TMEM238L: variants seen among roughly 807,000 people sequenced by gnomAD.
The protein encoded by TMEM238L is transmembrane protein 238-like.
intron 1 of TMEM238L, among the ~76,000 whole-genome samples, chr17:10,798,964 C>T (rs144539842): frequency 1.2e-4 from 18 of 152,148 alleles, no homozygotes; most frequent in East Asian, 5.8e-4. Context: ...TAAAATCAAA[C>T]GGCAGCTTGT....
chr17:10,798,727 G>T (rs150993018), intron 1 of TMEM238L, among the ~76,000 whole-genome samples: 1 of 151,802 alleles, frequency 6.6e-6, no homozygotes, highest in South Asian at 2.1e-4. Flanking sequence ...TGTGGGGGGC[G>T]TGTTTGTGTG....
At chr17:10,800,924 G>A (rs968494623) in intron 1 of TMEM238L, among the ~76,000 whole-genome samples, 3 of 152,188 alleles carry the variant, frequency 2.0e-5, no homozygotes, top group Non-Finnish European at 4.4e-5. Flanking sequence ...TCCCCAAATG[G>A]GTTTCAGCCG....
At chr17:10,797,381 TTCCC>T (rs1332732073) in intron 1 of TMEM238L, among the ~76,000 whole-genome samples, 155 of 85,870 alleles carry the variant, frequency 1.8e-3, no homozygotes, top group African/African-American at 6.5e-3. Flanking sequence ...CCCTCCCTCC[TTCCC>T]TCCCTCCCTC....
intron 1 of TMEM238L, among the ~76,000 whole-genome samples, chr17:10,802,908 A>G (rs1370805128): frequency 2.0e-5 from 3 of 152,194 alleles, no homozygotes; most frequent in African/African-American, 7.2e-5. Context: ...AACTCAGCGG[A>G]TGAAATCCAT....
intron 1 of TMEM238L, among the ~76,000 whole-genome samples, chr17:10,797,597 G>T (rs1904602974): frequency 6.6e-6 from 1 of 152,044 alleles, no homozygotes; most frequent in African/African-American, 2.4e-5. Context: ...ATCAAACTCT[G>T]CATGTTCAAA....
chr17:10,798,101 G>T (rs553471538), intron 1 of TMEM238L, among the ~76,000 whole-genome samples: 71 of 151,878 alleles, frequency 4.7e-4, no homozygotes, highest in African/African-American at 1.6e-3. Flanking sequence ...TGCCTGGACT[G>T]CCCCCTACCC....
chr17:10,795,082 A>G (rs11871765), exon 2 of TMEM238L: 43,556 of 152,210 alleles, frequency 0.29, 6,393 homozygotes, highest in Middle Eastern at 0.39. Context: ...GTCGGGCTCC[A>G]GTGGGTGGCA....
intron 1 of TMEM238L, among the ~76,000 whole-genome samples, chr17:10,799,235 C>T (rs1028367605): frequency 2.6e-5 from 4 of 152,174 alleles, no homozygotes; most frequent in Admixed American, 2.0e-4. Flanking sequence ...TCTTGCTCTG[C>T]CGCCCAGGCT....
chr17:10,803,260 C>T (rs1904800651), intron 1 of TMEM238L, among the ~76,000 whole-genome samples: 1 of 152,176 alleles, frequency 6.6e-6, no homozygotes, highest in African/African-American at 2.4e-5. Flanking sequence ...GAGATTCTTC[C>T]CAACAGAGAA....
chr17:10,802,902 C>T (rs1380690585), intron 1 of TMEM238L, among the ~76,000 whole-genome samples: 1 of 152,220 alleles, frequency 6.6e-6, no homozygotes, highest in Non-Finnish European at 1.5e-5. Flanking sequence ...ACATGCAACT[C>T]AGCGGATGAA....
At chr17:10,796,991 G>A (rs1238037545) in intron 1 of TMEM238L, among the ~76,000 whole-genome samples, 14 of 152,210 alleles carry the variant, frequency 9.2e-5, no homozygotes. Context: ...TAGATAATAT[G>A]AGAGTGAACG....
chr17:10,799,934 C>CTT (rs562811496), intron 1 of TMEM238L, among the ~76,000 whole-genome samples: 29 of 142,658 alleles, frequency 2.0e-4, no homozygotes, highest in Middle Eastern at 3.6e-3. Context: ...GAAACCACAT[C>CTT]TTTTTTTTTT....
exon 2 of TMEM238L, chr17:10,795,373 G>T (rs1164853175): frequency 6.6e-6 from 1 of 152,264 alleles, no homozygotes; most frequent in Non-Finnish European, 1.5e-5. Context: ...CACTGAGGAG[G>T]AGAGAGTCCT....
intron 1 of TMEM238L, among the ~76,000 whole-genome samples, chr17:10,799,934 C>CTTT (rs562811496): frequency 7.0e-6 from 1 of 142,664 alleles, no homozygotes. Flanking sequence ...GAAACCACAT[C>CTTT]TTTTTTTTTT....
At chr17:10,798,298 G>A (rs1171197712) in intron 1 of TMEM238L, among the ~76,000 whole-genome samples, 1 of 152,078 alleles carries the variant, frequency 6.6e-6, no homozygotes, top group Non-Finnish European at 1.5e-5. Flanking sequence ...TGGAAACTTT[G>A]TGAAGTATCG....
intron 1 of TMEM238L, among the ~76,000 whole-genome samples, chr17:10,803,324 T>C (rs923833087): frequency 1.3e-5 from 2 of 152,156 alleles, no homozygotes; most frequent in African/African-American, 4.8e-5. Flanking sequence ...TAACTTCCCA[T>C]TGTGCCCAGA....
At chr17:10,798,909 A>G (rs1904642665) in intron 1 of TMEM238L, among the ~76,000 whole-genome samples, 2 of 151,296 alleles carry the variant, frequency 1.3e-5, no homozygotes. Flanking sequence ...CAAGAAGTGG[A>G]AAATGGAGCA....
At chr17:10,798,994 A>T (rs1461763973) in intron 1 of TMEM238L, among the ~76,000 whole-genome samples, 6 of 151,862 alleles carry the variant, frequency 4.0e-5, no homozygotes, top group Non-Finnish European at 8.8e-5. Flanking sequence ...AGCACAGTTG[A>T]TCTATAAAAA....
chr17:10,797,388 C>T (rs1904592088), intron 1 of TMEM238L, among the ~76,000 whole-genome samples: 1 of 59,894 alleles, frequency 1.7e-5, no homozygotes, highest in Non-Finnish European at 2.9e-5. Flanking sequence ...TCCTTCCCTC[C>T]CTCCCTCCCT....
Sources: allele counts gnomAD v4.1 joint callset (sites outside exome capture counted in the v4.1 genomes callset), GRCh38; gene constraint gnomAD v4.1.1; transcripts MANE v1.5; gene names NCBI Gene and HGNC (gene_info 2026-07-23, HGNC 2026-07-21).